Variants in CYB561A3 observed in about 807,000 individuals in gnomAD.
The protein encoded by CYB561A3 is lysosomal membrane ascorbate-dependent ferrireductase CYB561A3.
In CYB561A3, 16 loss-of-function variants were observed where a neutral mutation model predicts 25.3. The ratio of observed to expected loss-of-function variants is 0.63; its 90% CI spans 0.43 to 0.96. CYB561A3 has a LOEUF of 0.96. Ranked by LOEUF, CYB561A3 falls within the 40% of genes least tolerant of loss-of-function variation. The pLI is 0.00. For missense variants in CYB561A3, 219 were observed against 307.5 expected, an observed-to-expected ratio of 0.71 and a Z score of 2.15; for synonymous variants, 131 against 129.9, an observed-to-expected ratio of 1.01 and a Z score of -0.06.
chr11:61,350,423 C>T lies in CYB561A3; in HGVS notation c.706-1G>A, dbSNP rs1188569200. On this transcript the variant is annotated splice_acceptor_variant, in intron 6 of 6. Coordinates refer to ENST00000294072, the MANE Select transcript of CYB561A3 (RefSeq NM_153611.6). LOFTEE classifies it high-confidence loss of function. ...TTCACTCCCCATCATGCAGCAGGGG[C>T]TGGAAAGAGAGGCAGATGCCCAGGA... 3.7e-6 allele frequency: 6 copies of T among 1,611,520 alleles called. No individual in the cohort carries two copies. Among genetic ancestry groups the T allele is most frequent in the Non-Finnish European group, 5.1e-6 (6 of 1,179,244 alleles).
chr11:61,350,528 A>T, intron 6 of CYB561A3, 106 bp from the exon 7 acceptor site: 1 of 1,435,752 alleles, frequency 7.0e-7, no homozygotes, highest in East Asian at 2.4e-5. Flanking sequence ...TCCCCATCCA[A>T]GCCACCAAAT....
intron 6 of CYB561A3, 152 bp from the exon 7 acceptor site, chr11:61,350,574 C>G: frequency 1.1e-6 from 1 of 894,966 alleles, no homozygotes; most frequent in Non-Finnish European, 1.7e-6. Flanking sequence ...GAGCCTGGTA[C>G]ACACCCCGTC....
intron 4 of CYB561A3, chr11:61,353,342 G>GC: frequency 1.5e-6 from 1 of 686,782 alleles, no homozygotes; most frequent in Non-Finnish European, 2.4e-6. Flanking sequence ...GACATGCTTA[G>GC]CTACCATCCC....
chr11:61,351,964 G>A (rs1857433133), intron 5 of CYB561A3: 1 of 151,970 alleles, frequency 6.6e-6, no homozygotes, highest in African/African-American at 2.4e-5. Flanking sequence ...TGTTGCCCAG[G>A]CTGGACTCCT....
chr11:61,356,422 C>T (rs1857656712), intron 3 of CYB561A3, 108 bp downstream of exon 3: 1 of 728,386 alleles, frequency 1.4e-6, no homozygotes, highest in Non-Finnish European at 2.0e-6. Flanking sequence ...CCCACCCTAC[C>T]CCCATAGCCC....
rs200238994 is a variant in CYB561A3, at chr11:61,356,495, C to G, written c.184+35G>C. ...AAAGTGCAGCTTTGTCCAGCCTGAG[C>G]CCTATCCCGCCTCCCTTCCTGACCT... is the stretch of plus-strand genomic sequence containing the variant. On this transcript the variant is annotated intron_variant, in intron 3 of 6. Coordinates refer to ENST00000294072, the MANE Select transcript of CYB561A3 (RefSeq NM_153611.6). 20 of 1,498,880 alleles carry G rather than the reference C, an allele frequency of 1.3e-5. No homozygotes were observed. The East Asian group carries it at 5.1e-4, about 38-fold the overall frequency. 92.8% of individuals were successfully genotyped at this position (1,498,880 alleles called of 1,614,324 possible). A position where few individuals can be genotyped will look rare whatever the true frequency, so the allele number is the denominator to read the frequency against.
intron 3 of CYB561A3, chr11:61,354,457 G>A (rs534225551): frequency 3.0e-5 from 5 of 169,326 alleles, no homozygotes; most frequent in African/African-American, 4.8e-5. Context: ...AACATAGCAA[G>A]ATCCTGTGTC....
intron 2 of CYB561A3, among the ~76,000 whole-genome samples, chr11:61,357,051 A>G (rs1397897276): frequency 6.6e-6 from 1 of 152,216 alleles, no homozygotes; most frequent in Admixed American, 6.5e-5. Flanking sequence ...CCCTCACAGG[A>G]CCAGAAGGTA....
chr11:61,352,828 C>A (rs1188647738), intron 5 of CYB561A3, 157 bp downstream of exon 5: 2 of 1,463,112 alleles, frequency 1.4e-6, no homozygotes, highest in South Asian at 1.4e-5. Context: ...CCAATTTCAA[C>A]CTAAAGAAAG....
chr11:61,353,274 C>G (rs1857503147), intron 4 of CYB561A3, 135 bp from the exon 5 acceptor site: 24 of 1,138,704 alleles, frequency 2.1e-5, no homozygotes, highest in Admixed American at 5.7e-5. Flanking sequence ...TGGCATTGCC[C>G]ACTACCGTGC....
Position 61,349,475 on chromosome 11 carries a change from A to T in CYB561A3, c.*924T>A. The T allele has an allele frequency of 2.9e-6, 2 of 694,080 alleles. No individual in the cohort carries two copies. The highest frequency in any genetic ancestry group is 5.3e-6 in the Non-Finnish European group (2 of 378,650). The allele number at this position is 694,080 out of a possible 1,614,324, so 43.0% of individuals were successfully genotyped here. On this transcript the variant is annotated 3_prime_UTR_variant, in exon 7 of 7. Coordinates refer to ENST00000294072, the MANE Select transcript of CYB561A3 (RefSeq NM_153611.6). ...AGGAAGGCCCTGATCCAGCAAGGAG[A>T]AGTAGAGGAAGTCCACAGCCACCTC...
chr11:61,350,204 G>A lies in CYB561A3; in HGVS notation c.*195C>T, dbSNP rs113572858. On this transcript the variant is annotated 3_prime_UTR_variant, in exon 7 of 7. Transcript: ENST00000294072. Reference sequence around the variant, plus strand: ...CCGGAGAGGGCAGGCCCAGCACCCAGGCAAAGCCACCAAGGAAAGCAGACA... The same window carrying A: ...CCGGAGAGGGCAGGCCCAGCACCCAAGCAAAGCCACCAAGGAAAGCAGACA... 2.1e-5 allele frequency: 15 copies of A among 699,072 alleles called. No homozygotes were observed. In the South Asian group the frequency reaches 2.8e-4, roughly 13 times the overall value. 43.3% of individuals were successfully genotyped at this position (699,072 alleles called of 1,614,324 possible). A position where few individuals can be genotyped will look rare whatever the true frequency, so the allele number is the denominator to read the frequency against.
At chr11:61,356,418 CTACCCCCATAG>C in intron 3 of CYB561A3, 101 bp downstream of exon 3, 2 of 672,748 alleles carry the variant, frequency 3.0e-6, no homozygotes, top group Non-Finnish European at 4.5e-6. Flanking sequence ...CCAACCCACC[CTACCCCCATAG>C]CCCCAAGCCC....
chr11:61,355,498 G>A (rs957250374), intron 3 of CYB561A3, among the ~76,000 whole-genome samples: 1 of 151,786 alleles, frequency 6.6e-6, no homozygotes, highest in African/African-American at 2.4e-5. Flanking sequence ...TGACCAACAT[G>A]GTGAAACCCC....
intron 5 of CYB561A3, chr11:61,352,305 C>G (rs1368428582): frequency 2.9e-5 from 1 of 34,038 alleles, no homozygotes; most frequent in South Asian, 8.6e-4. Context: ...TCTGTTCCCT[C>G]ATTTTTTTTA....
chr11:61,358,061 C>T (rs1857707694), intron 1 of CYB561A3: 1 of 152,252 alleles, frequency 6.6e-6, no homozygotes, highest in Non-Finnish European at 1.5e-5. Context: ...CACGCTGCTT[C>T]CTTGACCACA....
At position 61,350,043 on chromosome 11, in the gene CYB561A3, G is replaced by A; in HGVS notation, c.*356C>T. The A allele has an allele frequency of 2.0e-6, 1 of 501,006 alleles. No individual in the cohort carries two copies. 31.0% of individuals were successfully genotyped at this position (501,006 alleles called of 1,614,324 possible). A position where few individuals can be genotyped will look rare whatever the true frequency, so the allele number is the denominator to read the frequency against. On this transcript the variant is annotated 3_prime_UTR_variant, in exon 7 of 7. Coordinates refer to ENST00000294072, the MANE Select transcript of CYB561A3 (RefSeq NM_153611.6). ...GAGCGAGGAGGACCTCGTGTGAATG[G>A]AGGACCTGAGAGGCTGACGCCAAGG...
chr11:61,356,975 G>A, intron 2 of CYB561A3: 1 of 1,462,764 alleles, frequency 6.8e-7, no homozygotes, highest in East Asian at 2.5e-5. Context: ...CAAACTCAAG[G>A]CTATGGCTGG....
chr11:61,354,060 CCT>C (rs1857543780), intron 3 of CYB561A3, 68 bp from the exon 4 acceptor site: 1 of 1,546,736 alleles, frequency 6.5e-7, no homozygotes, highest in South Asian at 1.1e-5. Flanking sequence ...AGGGAATAAC[CCT>C]GATAGGATCC....
Sources: allele counts gnomAD v4.1 joint callset (sites outside exome capture counted in the v4.1 genomes callset), GRCh38; gene constraint gnomAD v4.1.1; transcripts MANE v1.5; gene names NCBI Gene and HGNC (gene_info 2026-07-23, HGNC 2026-07-21).